Variants in SLC24A2 observed in about 807,000 individuals in gnomAD.
SLC24A2 encodes the protein solute carrier family 24 member 2.
Under a neutral mutation model 62.0 loss-of-function variants are expected in SLC24A2, and 36 were observed. The ratio of observed to expected loss-of-function variants is 0.58; its 90% CI spans 0.44 to 0.77. SLC24A2 has a LOEUF of 0.77. Ranked by LOEUF, SLC24A2 falls within the 30% of genes least tolerant of loss-of-function variation. SLC24A2 has a pLI of 0.00. For missense variants in SLC24A2, 846 were observed against 817.9 expected (o/e 1.03, Z -0.42); for synonymous variants, 358 against 294.0 (o/e 1.22, Z -2.23).
At chr9:19,788,536 G>C (rs1823247288) in intron 1 of SLC24A2, 3 of 985,448 alleles carry the variant, frequency 3.0e-6, no homozygotes, top group Non-Finnish European at 3.6e-6. Context: ...CCCCACCTGT[G>C]AGCTTGGAGC....
chr9:19,867,369 G>A, the SLC24A2 span, among the ~76,000 whole-genome samples: 1 of 152,176 alleles, frequency 6.6e-6, no homozygotes, highest in African/African-American at 2.4e-5. Context: ...GTTGTTAGAG[G>A]ATTATTCAGA....
chr9:20,212,237 T>C, the SLC24A2 span, among the ~76,000 whole-genome samples: 73 of 151,874 alleles, frequency 4.8e-4, 1 homozygote, highest in Middle Eastern at 6.8e-3. Flanking sequence ...AATTTCACAA[T>C]AAGTGGTTCA....
the SLC24A2 span, among the ~76,000 whole-genome samples, chr9:19,868,330 T>C: frequency 6.6e-6 from 1 of 152,346 alleles, no homozygotes; most frequent in South Asian, 2.1e-4. Flanking sequence ...CCAAGATTTG[T>C]GAACATACTT....
the SLC24A2 span, among the ~76,000 whole-genome samples, chr9:20,092,400 G>A: frequency 3.3e-5 from 5 of 152,064 alleles, no homozygotes; most frequent in African/African-American, 1.2e-4. Context: ...GCAGCCCAAC[G>A]CAAATTCATA....
chr9:19,899,876 A>G, the SLC24A2 span, among the ~76,000 whole-genome samples: 68 of 152,294 alleles, frequency 4.5e-4, no homozygotes, highest in African/African-American at 1.6e-3. Context: ...AACTGCCCCC[A>G]TGATTCGATT....
At chr9:19,834,589 C>G in the SLC24A2 span, among the ~76,000 whole-genome samples, 11 of 152,180 alleles carry the variant, frequency 7.2e-5, no homozygotes, top group African/African-American at 2.7e-4. Context: ...AAGACCAAAT[C>G]TATGTCTGAT....
At chr9:19,558,153 T>C (rs943671662) in intron 7 of SLC24A2, among the ~76,000 whole-genome samples, 33 of 152,264 alleles carry the variant, frequency 2.2e-4, no homozygotes, top group Admixed American at 2.0e-3. Context: ...TGTATTCTTT[T>C]CCTTTTCTCA....
the SLC24A2 span, among the ~76,000 whole-genome samples, chr9:19,834,725 C>T: frequency 1.9e-4 from 29 of 152,016 alleles, no homozygotes; most frequent in African/African-American, 4.8e-4. Flanking sequence ...ATACAGAGAA[C>T]GCCACAAAGA....
chr9:19,906,260 A>C, the SLC24A2 span, among the ~76,000 whole-genome samples: 1 of 152,008 alleles, frequency 6.6e-6, no homozygotes, highest in Non-Finnish European at 1.5e-5. Context: ...GCAGAAATAA[A>C]GATGTTCTTT....
At chr9:19,597,409 A>T in intron 4 of SLC24A2, 130 bp from the exon 5 acceptor site, 1 of 711,810 alleles carries the variant, frequency 1.4e-6, no homozygotes, top group Middle Eastern at 3.7e-4. Flanking sequence ...CTATATGGAG[A>T]TGTGCAAACA....
At chr9:19,910,464 T>C in the SLC24A2 span, among the ~76,000 whole-genome samples, 377 of 152,250 alleles carry the variant, frequency 2.5e-3, 1 homozygote, top group Non-Finnish European at 3.6e-3. Context: ...GAGTTCACCC[T>C]TATGCTTATA....
the SLC24A2 span, among the ~76,000 whole-genome samples, chr9:20,076,930 ATT>A: frequency 1.4e-5 from 2 of 147,668 alleles, no homozygotes; most frequent in Admixed American, 1.4e-4. Flanking sequence ...ATTTATATAT[ATT>A]TGTATATATA....
chr9:20,280,297 A>G, the SLC24A2 span, among the ~76,000 whole-genome samples: 1 of 152,136 alleles, frequency 6.6e-6, no homozygotes, highest in Non-Finnish European at 1.5e-5. Flanking sequence ...GCAAGGTACC[A>G]TTTTTTTGTA....
At chr9:19,787,672 G>A (rs905994604) in intron 1 of SLC24A2, among the ~76,000 whole-genome samples, 1 of 150,808 alleles carries the variant, frequency 6.6e-6, no homozygotes, top group Non-Finnish European at 1.5e-5. Flanking sequence ...AAAAAATTCT[G>A]GTGACATGCA....
chr9:19,875,576 G>C, the SLC24A2 span, among the ~76,000 whole-genome samples: 1 of 152,142 alleles, frequency 6.6e-6, no homozygotes, highest in Non-Finnish European at 1.5e-5. Context: ...AGGTTTTCTT[G>C]GCAAAGAAAC....
In SLC24A2 at chr9:19,577,080, G is replaced by A. The variant is rs558387092; in HGVS notation, c.1130-58C>T. 6.4e-6 allele frequency: 9 copies of A among 1,402,440 alleles called. No individual in the cohort carries two copies. The South Asian group carries it at 6.9e-5, about 11-fold the overall frequency. The allele number at this position is 1,402,440 out of a possible 1,614,324, so 86.9% of individuals were successfully genotyped here. ...CAATGAGAAAGAAGAGAGTCTCAGGGCCAAGCAGGTATGTGGCCTCCTCAG... is the reference window on the plus strand; with the variant it reads ...CAATGAGAAAGAAGAGAGTCTCAGGACCAAGCAGGTATGTGGCCTCCTCAG... On this transcript the variant is annotated intron_variant, in intron 5 of 10. Coordinates refer to ENST00000341998, the MANE Select transcript of SLC24A2 (RefSeq NM_020344.4).
chr9:20,033,909 T>A, the SLC24A2 span, among the ~76,000 whole-genome samples: 9 of 152,204 alleles, frequency 5.9e-5, no homozygotes, highest in African/African-American at 1.2e-4. Context: ...TTAATAAACT[T>A]GTTTTCACTT....
chr9:19,736,888 A>G (rs1003440127), intron 2 of SLC24A2, among the ~76,000 whole-genome samples: 4 of 152,172 alleles, frequency 2.6e-5, no homozygotes, highest in African/African-American at 9.7e-5. Flanking sequence ...GAGTTAACCC[A>G]TCATGATGAT....
chr9:19,758,104 C>T (rs1174583567), intron 2 of SLC24A2, among the ~76,000 whole-genome samples: 1 of 152,006 alleles, frequency 6.6e-6, no homozygotes, highest in Non-Finnish European at 1.5e-5. Context: ...TATGTTATAG[C>T]AACACAAAAC....
Sources: gnomAD v4.1 joint callset for allele counts (sites outside exome capture counted in the v4.1 genomes callset) on GRCh38, gnomAD v4.1.1 for gene constraint, MANE v1.5 for transcripts, NCBI Gene and HGNC (gene_info 2026-07-23, HGNC 2026-07-21) for gene names.